Variants in SMAD3 observed in about 807,000 individuals in gnomAD.
SMAD3 encodes the protein MAD homolog 3.
In SMAD3, 12 loss-of-function variants were observed where a neutral mutation model predicts 51.8. That is an observed-to-expected ratio of 0.23 (90% CI 0.15 to 0.38). The LOEUF is 0.38. SMAD3 is among the 10% of genes least tolerant of loss of function. The probability of loss-of-function intolerance (pLI) is 1.00; values close to 1 mark genes in which losing one functional copy is unlikely to be tolerated. For synonymous variants in SMAD3, 238 were observed against 227.7 expected, an observed-to-expected ratio of 1.05 and a Z score of -0.41; for missense variants, 294 against 565.6, an observed-to-expected ratio of 0.52 and a Z score of 4.87.
At chr15:67,087,423 C>T (rs564337757) in intron 1 of SMAD3, among the ~76,000 whole-genome samples, 4 of 152,248 alleles carry the variant, frequency 2.6e-5, no homozygotes, top group African/African-American at 9.6e-5. Flanking sequence ...GTTGGAAACT[C>T]TTTTCTCTTT....
At chr15:67,113,078 A>ATATATATATATG (rs1351960700) in intron 1 of SMAD3, among the ~76,000 whole-genome samples, 1 of 67,496 alleles carries the variant, frequency 1.5e-5, no homozygotes, top group Non-Finnish European at 2.6e-5. Flanking sequence ...ATATATGTGT[A>ATATATATATATG]TATATATATA....
chr15:67,077,013 G>C (rs891320644), intron 1 of SMAD3, among the ~76,000 whole-genome samples: 4 of 152,180 alleles, frequency 2.6e-5, no homozygotes, highest in African/African-American at 9.7e-5. Context: ...TGAGATCTTG[G>C]GCTGGGTCTC....
intron 1 of SMAD3, among the ~76,000 whole-genome samples, chr15:67,134,652 G>A (rs991529906): frequency 5.3e-5 from 8 of 152,170 alleles, no homozygotes; most frequent in Non-Finnish European, 7.3e-5. Context: ...CTCCTCCTCT[G>A]CTACCACATA....
intron 1 of SMAD3, among the ~76,000 whole-genome samples, 171 bp downstream of exon 1, chr15:67,066,531 G>A (rs1273875844): frequency 6.6e-6 from 1 of 152,122 alleles, no homozygotes; most frequent in African/African-American, 2.4e-5. Context: ...GGGGTGGGGG[G>A]ACCCCAAACA....
chr15:67,154,770 TTA>T (rs1671157548), intron 1 of SMAD3, among the ~76,000 whole-genome samples: 1 of 152,176 alleles, frequency 6.6e-6, no homozygotes. Flanking sequence ...TATAATCAAA[TTA>T]TATGTCTTTC....
chr15:67,177,474 G>T (rs952067160), intron 5 of SMAD3, among the ~76,000 whole-genome samples: 2 of 121,518 alleles, frequency 1.6e-5, no homozygotes, highest in African/African-American at 6.2e-5. Context: ...CCAGGCTGGA[G>T]TGCAGTGGCG....
At chr15:67,186,948 C>A (rs1244239756) in intron 7 of SMAD3, 1 of 401,526 alleles carries the variant, frequency 2.5e-6, no homozygotes, top group Non-Finnish European at 5.0e-6. Context: ...AGGTGGGTGA[C>A]CAGACCCCAC....
intron 3 of SMAD3, chr15:67,166,513 G>C (rs1962593821): frequency 1.8e-6 from 1 of 553,870 alleles, no homozygotes; most frequent in Admixed American, 3.0e-5. Flanking sequence ...AAGTTAGCCT[G>C]GCAGAGGCTC....
intron 1 of SMAD3, among the ~76,000 whole-genome samples, chr15:67,104,161 T>C (rs1425121090): frequency 6.6e-6 from 1 of 152,054 alleles, no homozygotes; most frequent in Non-Finnish European, 1.5e-5. Context: ...CCCCCAACTT[T>C]TGACAACCAA....
At chr15:67,119,806 T>A (rs995260775) in intron 1 of SMAD3, among the ~76,000 whole-genome samples, 3 of 152,158 alleles carry the variant, frequency 2.0e-5, no homozygotes, top group Non-Finnish European at 2.9e-5. Flanking sequence ...ACTTTGAATT[T>A]TTTTTTTGGA....
At chr15:67,106,033 C>A (rs1445395072) in intron 1 of SMAD3, among the ~76,000 whole-genome samples, 1 of 152,138 alleles carries the variant, frequency 6.6e-6, no homozygotes, top group African/African-American at 2.4e-5. Context: ...CATCACTGAG[C>A]CCTGTCAGTT....
intron 1 of SMAD3, among the ~76,000 whole-genome samples, chr15:67,112,784 T>A (rs147228760): frequency 7.6e-6 from 1 of 132,416 alleles, no homozygotes; most frequent in African/African-American, 3.0e-5. Flanking sequence ...CTCTTATATT[T>A]AGGTCTTTGA....
chr15:67,127,989 C>T (rs1311854294), intron 1 of SMAD3: 1 of 152,238 alleles, frequency 6.6e-6, no homozygotes, highest in African/African-American at 2.4e-5. Flanking sequence ...TCCACCAGTT[C>T]TCCCTTTCCA....
At chr15:67,183,908 A>G (rs1963150017) in intron 6 of SMAD3, among the ~76,000 whole-genome samples, 1 of 152,156 alleles carries the variant, frequency 6.6e-6, no homozygotes, top group Admixed American at 6.5e-5. Flanking sequence ...TCCCTGCAAT[A>G]AAGGGCTCCT....
At chr15:67,150,812 TTTTTTTTA>T (rs1962112328) in intron 1 of SMAD3, among the ~76,000 whole-genome samples, 1 of 132,698 alleles carries the variant, frequency 7.5e-6, no homozygotes, top group Admixed American at 8.1e-5. Context: ...TTTTTTTTTT[TTTTTTTTA>T]TTAAGAGAGC....
At chr15:67,072,637 C>T (rs1960080100) in intron 1 of SMAD3, among the ~76,000 whole-genome samples, 1 of 152,232 alleles carries the variant, frequency 6.6e-6, no homozygotes, top group African/African-American at 2.4e-5. Flanking sequence ...TGATGGCAGC[C>T]TGCTGAATGT....
chr15:67,073,180 T>C (rs1037703360), intron 1 of SMAD3, among the ~76,000 whole-genome samples: 1 of 152,236 alleles, frequency 6.6e-6, no homozygotes, highest in Non-Finnish European at 1.5e-5. Flanking sequence ...AGGATCTCTC[T>C]CTCTCTTTCT....
At chr15:67,086,141 C>CA (rs1960388229) in intron 1 of SMAD3, among the ~76,000 whole-genome samples, 3 of 152,116 alleles carry the variant, frequency 2.0e-5, no homozygotes, top group Admixed American at 2.0e-4. Flanking sequence ...CAGGCCCTTA[C>CA]AAATGCCCAC....
In SMAD3 at chr15:67,084,897, G is replaced by T. The variant is rs749581109; in HGVS notation, c.206+18537G>T. On this transcript the variant is annotated intron_variant, in intron 1 of 8. Coordinates refer to ENST00000327367, the MANE Select transcript of SMAD3 (RefSeq NM_005902.4). ...ACCAACAATCAGCTCTCTCTTATCC[G>T]TAAGAAACTAGAATCTACTGCTGGC... Among the ~76,000 whole-genome samples, 12 of 152,206 alleles carry T rather than the reference G, an allele frequency of 7.9e-5. No homozygotes were observed. The South Asian group carries it at 2.3e-3, about 29-fold the overall frequency.
Sources: allele counts gnomAD v4.1 joint callset (sites outside exome capture counted in the v4.1 genomes callset), GRCh38; gene constraint gnomAD v4.1.1; transcripts MANE v1.5; gene names NCBI Gene and HGNC (gene_info 2026-07-23, HGNC 2026-07-21).